The following TMEM163 variants were observed in gnomAD, a reference collection of about 807,000 sequenced individuals.
TMEM163 encodes transmembrane protein 163.
TMEM163 carries 17 observed loss-of-function variants against 29.3 expected under a neutral mutation model. The observed-to-expected ratio is 0.58, with a 90% CI of 0.40 to 0.87. TMEM163 has a LOEUF of 0.87. Among genes scored for constraint, TMEM163 ranks in the 40% least tolerant of loss-of-function variants. The pLI, the probability that TMEM163 is intolerant of heterozygous loss-of-function variation, is 0.00. For synonymous variants in TMEM163, 157 were observed against 160.6 expected (o/e 0.98, Z 0.17); for missense variants, 303 against 381.5 (o/e 0.79, Z 1.71).
chr2:134,639,908 T>C (rs763951353), intron 2 of TMEM163, among the ~76,000 whole-genome samples: 7 of 152,228 alleles, frequency 4.6e-5, no homozygotes, highest in Non-Finnish European at 7.3e-5. Context: ...AAGCCGCTTC[T>C]TTCAGATATT....
Position 134,552,073 on chromosome 2 carries a change from T to C in TMEM163, c.341A>G (p.Tyr114Cys). ...TGCAAACCCAAAAGCAGAGGCGCTG[T>C]ACCTCATAACGGAGACAGCTAAAAA... ...VAAFTVSVMRYSASAFGFAFD... is the reference protein window; with the variant it reads ...VAAFTVSVMRCSASAFGFAFD... Residue 114 changes from tyrosine (Y) to cysteine (C), a missense_variant, in exon 3 of 8, where the codon TAC (tyrosine) becomes TGC (cysteine). This residue lies in a region of TMEM163 where 203 missense variants were observed against 294.3 expected (regional missense o/e 0.69). Coordinates refer to ENST00000281924, the MANE Select transcript of TMEM163 (RefSeq NM_030923.5). The C allele has an allele frequency of 6.2e-7, 1 of 1,613,190 alleles. No homozygotes were observed. The highest frequency in any genetic ancestry group is 8.5e-7 in the Non-Finnish European group (1 of 1,179,654).
In TMEM163 at chr2:134,573,042, C is replaced by G. The variant is rs536365168; in HGVS notation, c.323-20951G>C. ...CTGGCTACCGAGGGATCTCCCACAC[C>G]CTGTCTAGTTCCTGAGCAATCTGTG... On this transcript the variant is annotated intron_variant, in intron 2 of 7. Transcript: ENST00000281924. Among the ~76,000 whole-genome samples, 4 of 152,290 alleles carry G rather than the reference C, an allele frequency of 2.6e-5. No homozygotes were observed. In the South Asian group the frequency reaches 8.3e-4, roughly 32 times the overall value.
intron 2 of TMEM163, among the ~76,000 whole-genome samples, chr2:134,587,209 G>A (rs1285605597): frequency 6.6e-6 from 1 of 152,258 alleles, no homozygotes; most frequent in Non-Finnish European, 1.5e-5. Flanking sequence ...TCAGGAGTTC[G>A]AGACCAACCT....
At chr2:134,605,919 A>C (rs1255374355) in intron 2 of TMEM163, among the ~76,000 whole-genome samples, 1 of 152,196 alleles carries the variant, frequency 6.6e-6, no homozygotes, top group Non-Finnish European at 1.5e-5. Context: ...TACATTACAT[A>C]CACACAAAAA....
intron 5 of TMEM163, among the ~76,000 whole-genome samples, chr2:134,501,537 G>T (rs116182508): frequency 1.3e-5 from 2 of 152,194 alleles, no homozygotes; most frequent in African/African-American, 4.8e-5. Flanking sequence ...CAGAGTGGAG[G>T]CATATTTGCA....
rs530683785 is a variant in TMEM163 at position 134,586,755 on chromosome 2, C to T, written c.323-34664G>A. On this transcript the variant is annotated intron_variant, in intron 2 of 7. Coordinates refer to ENST00000281924, the MANE Select transcript of TMEM163 (RefSeq NM_030923.5). The stretch of plus-strand genomic sequence containing the variant: ...AGCAGCAGAACTCCTGGCCCAGTCA[C>T]GAGACGGCAGGAAGCACCAGTGTGG... Among the ~76,000 whole-genome samples the T allele has an allele frequency of 5.9e-5, 9 of 152,282 alleles. No individual in the cohort carries two copies. In the South Asian group the frequency reaches 1.0e-3, roughly 18 times the overall value.
intron 2 of TMEM163, among the ~76,000 whole-genome samples, chr2:134,684,603 C>T (rs1684314502): frequency 6.6e-6 from 1 of 152,126 alleles, no homozygotes; most frequent in Non-Finnish European, 1.5e-5. Context: ...GAGCCCCACA[C>T]CCTCAGTGTT....
chr2:134,667,045 C>T (rs1271063653), intron 2 of TMEM163, among the ~76,000 whole-genome samples: 1 of 152,182 alleles, frequency 6.6e-6, no homozygotes, highest in Admixed American at 6.5e-5. Context: ...CTCATGATTA[C>T]CCCTTGTGCA....
intron 4 of TMEM163, 117 bp from the exon 5 acceptor site, chr2:134,503,114 C>T: frequency 9.7e-7 from 1 of 1,032,856 alleles, no homozygotes; most frequent in Non-Finnish European, 1.4e-6. Context: ...TAATTTGCCA[C>T]ACCCCCAGGG....
At chr2:134,696,288 T>G (rs1172660440) in intron 2 of TMEM163, among the ~76,000 whole-genome samples, 1 of 152,220 alleles carries the variant, frequency 6.6e-6, no homozygotes, top group East Asian at 1.9e-4. Flanking sequence ...TTTCCTGGTC[T>G]ATTTGTTCCT....
intron 5 of TMEM163, among the ~76,000 whole-genome samples, chr2:134,478,545 G>T (rs1387972842): frequency 6.6e-6 from 1 of 152,218 alleles, no homozygotes; most frequent in Non-Finnish European, 1.5e-5. Flanking sequence ...ATCTGTGGAA[G>T]TTTGAACTTA....
At chr2:134,543,793 C>T (rs947171665) in intron 4 of TMEM163, among the ~76,000 whole-genome samples, 2 of 152,164 alleles carry the variant, frequency 1.3e-5, no homozygotes, top group African/African-American at 2.4e-5. Context: ...GGGTGAGAAC[C>T]GGTGGGCCTG....
intron 2 of TMEM163, among the ~76,000 whole-genome samples, chr2:134,621,922 T>C (rs1354223931): frequency 6.6e-6 from 1 of 151,824 alleles, no homozygotes; most frequent in Non-Finnish European, 1.5e-5. Flanking sequence ...AAAAAAAAAC[T>C]AAACCCAATG....
rs192808452 is a variant in TMEM163 at position 134,489,805 on chromosome 2, A to G, written c.555+13096T>C. Among the ~76,000 whole-genome samples, 335 of 152,296 alleles carry G rather than the reference A, an allele frequency of 2.2e-3. 2 individuals are homozygous for G. Among genetic ancestry groups the G allele is most frequent in the Middle Eastern group, 0.01 (3 of 294 alleles). On this transcript the variant is annotated intron_variant, in intron 5 of 7. Transcript: ENST00000281924. Reference sequence around the variant, plus strand: ...GAAGTTCAGACCATGAACGAGGGCGAATAATCTGGGACAAGCCCCTTTTGC... The same window carrying G: ...GAAGTTCAGACCATGAACGAGGGCGGATAATCTGGGACAAGCCCCTTTTGC...
intron 2 of TMEM163, among the ~76,000 whole-genome samples, chr2:134,565,258 G>A (rs1278419193): frequency 2.0e-5 from 3 of 151,468 alleles, no homozygotes; most frequent in Non-Finnish European, 4.4e-5. Context: ...AAAAACAAAA[G>A]TGATCTTACT....
At chr2:134,691,392 C>T (rs1684462837) in intron 2 of TMEM163, among the ~76,000 whole-genome samples, 1 of 152,174 alleles carries the variant, frequency 6.6e-6, no homozygotes, top group Non-Finnish European at 1.5e-5. Context: ...TACTGAGAGC[C>T]CCATTCTCCA....
At chr2:134,504,311 G>A (rs1481186840) in intron 4 of TMEM163, among the ~76,000 whole-genome samples, 7 of 152,118 alleles carry the variant, frequency 4.6e-5, no homozygotes, top group Admixed American at 2.0e-4. Flanking sequence ...CGGAATCATC[G>A]CAGGTTGGAG....
intron 2 of TMEM163, among the ~76,000 whole-genome samples, chr2:134,612,235 T>G (rs937399261): frequency 2.0e-5 from 3 of 152,192 alleles, no homozygotes; most frequent in African/African-American, 7.2e-5. Flanking sequence ...ATCTCCAGGG[T>G]GCTTGTTGAA....
intron 2 of TMEM163, among the ~76,000 whole-genome samples, chr2:134,691,270 A>G (rs1365566642): frequency 6.6e-6 from 1 of 152,026 alleles, no homozygotes; most frequent in Non-Finnish European, 1.5e-5. Flanking sequence ...AGAAAAGGGG[A>G]TCTCAAGTCA....
Sources: gnomAD v4.1 joint callset for allele counts (sites outside exome capture counted in the v4.1 genomes callset) on GRCh38, gnomAD v4.1.1 for gene constraint, gnomAD v4.1.1 regional missense constraint, MANE v1.5 for transcripts, NCBI Gene and HGNC (gene_info 2026-07-23, HGNC 2026-07-21) for gene names.